PCDHA2: variants seen among roughly 807,000 people sequenced by gnomAD.
The protein encoded by PCDHA2 is protocadherin alpha 2, also known as protocadherin alpha-2.
Under a neutral mutation model 66.0 loss-of-function variants are expected in PCDHA2, and 58 were observed. The observed-to-expected ratio is 0.88, with a 90% CI of 0.71 to 1.09. The LOEUF is 1.09. PCDHA2 is among the 50% of genes least tolerant of loss of function. The pLI is 0.00. For synonymous variants in PCDHA2, 634 were observed against 554.0 expected, an observed-to-expected ratio of 1.14 and a Z score of -2.03; for missense variants, 1,267 against 1,242.3, an observed-to-expected ratio of 1.02 and a Z score of -0.30.
At chr5:140,903,787 A>G (rs782220484) in intron 1 of PCDHA2, among the ~76,000 whole-genome samples, 10 of 152,174 alleles carry the variant, frequency 6.6e-5, no homozygotes, top group Non-Finnish European at 1.3e-4. Context: ...TAAACTATCT[A>G]TGGTTGTAAT....
At chr5:140,993,078 A>G (rs1373767899) in intron 3 of PCDHA2, among the ~76,000 whole-genome samples, 2 of 152,212 alleles carry the variant, frequency 1.3e-5, no homozygotes, top group Non-Finnish European at 2.9e-5. Flanking sequence ...GCAGTCTGCA[A>G]TCAGCAGGGC....
intron 1 of PCDHA2, chr5:140,849,616 T>G: frequency 6.3e-7 from 1 of 1,598,694 alleles, no homozygotes; most frequent in South Asian, 1.1e-5. Context: ...CTGATTAGTG[T>G]GATCGACCTA....
chr5:140,875,910 G>A, intron 1 of PCDHA2: 1 of 1,614,172 alleles, frequency 6.2e-7, no homozygotes, highest in South Asian at 1.1e-5. Context: ...CTGAATCTGC[G>A]CCTCTGGACT....
At chr5:140,876,558 T>C in intron 1 of PCDHA2, 1 of 1,614,216 alleles carries the variant, frequency 6.2e-7, no homozygotes, top group Non-Finnish European at 8.5e-7. Flanking sequence ...TGCAAGAGGA[T>C]GCTCAGGTGG....
chr5:140,998,186 CA>C (rs1323195881), intron 3 of PCDHA2, among the ~76,000 whole-genome samples: 1 of 152,088 alleles, frequency 6.6e-6, no homozygotes, highest in African/African-American at 2.4e-5. Context: ...AAGCACTTTA[CA>C]AGTATTAACT....
chr5:140,842,467 C>T (rs1554139064), intron 1 of PCDHA2: 3 of 1,613,802 alleles, frequency 1.9e-6, no homozygotes, highest in East Asian at 2.2e-5. Context: ...CAGGTGCCAA[C>T]GGGCAGGTGA....
Position 140,850,921 on chromosome 5 carries a change from T to G in PCDHA2, c.2388+53569T>G, listed in dbSNP as rs2150502315. 43 of 1,526,092 alleles carry G rather than the reference T, an allele frequency of 2.8e-5. 3 individuals carry two copies. In the African/African-American group the frequency reaches 3.6e-4, roughly 13 times the overall value. 94.5% of individuals were successfully genotyped at this position (1,526,092 alleles called of 1,614,324 possible). ...TTTTCTAGCATTTTATTTATTTATA[T>G]AATTTTTTTTCTTGAAAGATATTAT... On this transcript the variant is annotated intron_variant, in intron 1 of 3. Coordinates refer to ENST00000526136, the MANE Select transcript of PCDHA2 (RefSeq NM_018905.3).
intron 1 of PCDHA2, chr5:140,870,108 C>T (rs1317421695): frequency 1.2e-6 from 2 of 1,613,788 alleles, no homozygotes; most frequent in Non-Finnish European, 1.7e-6. Context: ...ACTGTACAGT[C>T]TGGGTGGAAA....
chr5:140,835,824 G>T, intron 1 of PCDHA2: 1 of 1,612,592 alleles, frequency 6.2e-7, no homozygotes, highest in Non-Finnish European at 8.5e-7. Context: ...GTCGGCGGGG[G>T]ACGCGGACGC....
At chr5:140,822,857 A>T in intron 1 of PCDHA2, 2 of 1,614,192 alleles carry the variant, frequency 1.2e-6, no homozygotes, top group Non-Finnish European at 1.7e-6. Context: ...GTCAAAGAGG[A>T]CGCTCCACTC....
intron 1 of PCDHA2, chr5:140,824,899 A>C (rs2150137635): frequency 1.3e-5 from 2 of 152,270 alleles, no homozygotes; most frequent in East Asian, 3.9e-4. Context: ...AACTTTGCCT[A>C]AGCAGTTCAC....
chr5:141,001,213 A>G (rs2097997873), intron 3 of PCDHA2, among the ~76,000 whole-genome samples: 1 of 152,154 alleles, frequency 6.6e-6, no homozygotes, highest in African/African-American at 2.4e-5. Context: ...TGTGCTGTAT[A>G]AGGATAGTTA....
At chr5:140,971,096 A>G (rs1240805149) in intron 1 of PCDHA2, among the ~76,000 whole-genome samples, 1 of 152,180 alleles carries the variant, frequency 6.6e-6, no homozygotes, top group African/African-American at 2.4e-5. Context: ...ATTCTTGTGA[A>G]GCCCTTTGGG....
chr5:140,823,818 G>A (rs1767884278), intron 1 of PCDHA2: 2 of 1,613,678 alleles, frequency 1.2e-6, no homozygotes, highest in Non-Finnish European at 1.7e-6. Context: ...CATCGCGGGC[G>A]TCGGCGGGCG....
chr5:140,882,024 G>A lies in PCDHA2; in HGVS notation c.2388+84672G>A, dbSNP rs4151690. On this transcript the variant is annotated intron_variant, in intron 1 of 3. Transcript: ENST00000526136. ...AGGGGCAAAAAAATACTACATCAAT[G>A]GAAAATATGAAGACTGAGTCATACT... is the stretch of plus-strand genomic sequence containing the variant. 118 of 580,388 alleles carry A rather than the reference G, an allele frequency of 2.0e-4. 2 individuals carry two copies. The highest frequency in any genetic ancestry group is 1.6e-3 in the East Asian group (53 of 32,696). The allele number at this position is 580,388 out of a possible 1,614,324, so 36.0% of individuals were successfully genotyped here. A position where few individuals can be genotyped will look rare whatever the true frequency, so the allele number is the denominator to read the frequency against.
At chr5:140,861,631 C>A (rs960525062) in intron 1 of PCDHA2, 2 of 314,942 alleles carry the variant, frequency 6.4e-6, no homozygotes, top group Non-Finnish European at 1.3e-5. Context: ...GTGTTCTCAG[C>A]AACACAAAAG....
chr5:140,828,648 G>C (rs1769869572), intron 1 of PCDHA2: 1 of 1,614,194 alleles, frequency 6.2e-7, no homozygotes, highest in Non-Finnish European at 8.5e-7. Flanking sequence ...AAAATAAACA[G>C]TGATGACAAT....
At chr5:140,917,530 T>C (rs2078244431) in intron 1 of PCDHA2, among the ~76,000 whole-genome samples, 1 of 152,262 alleles carries the variant, frequency 6.6e-6, no homozygotes, top group Admixed American at 6.5e-5. Flanking sequence ...ACGGTTTGTA[T>C]AGTTTTAGGT....
intron 1 of PCDHA2, among the ~76,000 whole-genome samples, chr5:140,936,899 A>G (rs2091202352): frequency 6.6e-6 from 1 of 152,188 alleles, no homozygotes; most frequent in South Asian, 2.1e-4. Context: ...AATTGGCACT[A>G]TATTGAATCT....
Sources: allele counts gnomAD v4.1 joint callset (sites outside exome capture counted in the v4.1 genomes callset), GRCh38; gene constraint gnomAD v4.1.1; transcripts MANE v1.5; gene names NCBI Gene and HGNC (gene_info 2026-07-23, HGNC 2026-07-21).